PRKD1: variants seen among roughly 807,000 people sequenced by gnomAD.
The protein encoded by PRKD1 is serine/threonine-protein kinase D1.
A neutral mutation model predicts 95.9 loss-of-function variants in PRKD1; 63 were observed. That is an observed-to-expected ratio of 0.66 (90% CI 0.54 to 0.81). The LOEUF (loss-of-function observed/expected upper bound fraction) is 0.81, where lower values mean the gene tolerates loss of function less well. Among genes scored for constraint, PRKD1 ranks in the 30% least tolerant of loss-of-function variants. PRKD1 has a pLI of 0.00. For missense variants in PRKD1, 1,048 were observed against 1,165.3 expected (o/e 0.90, Z 1.47); for synonymous variants, 425 against 423.1 (o/e 1.00, Z -0.05).
chr14:29,773,599 G>C (rs541505196), intron 1 of PRKD1, among the ~76,000 whole-genome samples: 1 of 151,928 alleles, frequency 6.6e-6, no homozygotes, highest in Admixed American at 6.6e-5. Context: ...AGATCTGTTT[G>C]TTGATTCCTT....
At chr14:29,913,617 T>C (rs937331091) in intron 1 of PRKD1, among the ~76,000 whole-genome samples, 36 of 152,230 alleles carry the variant, frequency 2.4e-4, no homozygotes, top group African/African-American at 8.7e-4. Flanking sequence ...ACTGGGTTTA[T>C]GTAAATATTG....
chr14:29,876,194 A>T (rs1893281463), intron 1 of PRKD1, among the ~76,000 whole-genome samples: 1 of 152,244 alleles, frequency 6.6e-6, no homozygotes, highest in South Asian at 2.1e-4. Flanking sequence ...GAACAAAAAC[A>T]GTCAGTGTCC....
intron 1 of PRKD1, among the ~76,000 whole-genome samples, chr14:29,762,708 G>C (rs1461979201): frequency 6.6e-6 from 1 of 152,130 alleles, no homozygotes; most frequent in Non-Finnish European, 1.5e-5. Context: ...AACTCCCTAT[G>C]CCTGTGGTGG....
At chr14:29,833,993 A>G (rs1191957673) in intron 1 of PRKD1, among the ~76,000 whole-genome samples, 1 of 152,122 alleles carries the variant, frequency 6.6e-6, no homozygotes, top group Non-Finnish European at 1.5e-5. Flanking sequence ...CCTAAAGAAC[A>G]TGTCCTTCTC....
intron 4 of PRKD1, among the ~76,000 whole-genome samples, chr14:29,646,588 C>A (rs8009376): frequency 0.037 from 5,663 of 151,882 alleles, 320 homozygotes; most frequent in African/African-American, 0.12. Context: ...TTTCAGGACA[C>A]TTCAGTCCTA....
intron 1 of PRKD1, among the ~76,000 whole-genome samples, chr14:29,857,730 C>G (rs1958991): frequency 0.49 from 73,796 of 152,024 alleles, 21,611 homozygotes; most frequent in African/African-American, 0.83. Context: ...AAGCAGGCTG[C>G]GGGGAGGAGA....
intron 1 of PRKD1, among the ~76,000 whole-genome samples, chr14:29,791,714 A>T (rs1889555198): frequency 6.6e-6 from 1 of 152,120 alleles, no homozygotes; most frequent in South Asian, 2.1e-4. Flanking sequence ...TTGTGCATCC[A>T]TCTGTTGATG....
rs145598754 is a variant in PRKD1, at chr14:29,726,012, G to A, written c.265-338C>T. Reference sequence around the variant, plus strand: ...TGGGAAGAGGTGTGCACTTTCAGATGATTTACAGCAATCCAGTAACATAAA... The same window carrying A: ...TGGGAAGAGGTGTGCACTTTCAGATAATTTACAGCAATCCAGTAACATAAA... On this transcript the variant is annotated intron_variant, in intron 1 of 17. Transcript: ENST00000331968. Among the ~76,000 whole-genome samples, 466 of 152,210 alleles carry A rather than the reference G, an allele frequency of 3.1e-3. 3 individuals are homozygous for A. The highest frequency in any genetic ancestry group is 0.031 in the South Asian group (147 of 4,814).
chr14:29,636,635 C>T (rs1880401717), intron 6 of PRKD1, 141 bp from the exon 7 acceptor site: 1 of 850,298 alleles, frequency 1.2e-6, no homozygotes, highest in Non-Finnish European at 1.8e-6. Flanking sequence ...TATTTTTTAA[C>T]TTTTATTTTA....
chr14:29,629,900 T>A (rs1455480500), intron 10 of PRKD1, among the ~76,000 whole-genome samples: 1 of 151,988 alleles, frequency 6.6e-6, no homozygotes, highest in Non-Finnish European at 1.5e-5. Context: ...TAACAAGACT[T>A]GCATTCCATG....
At chr14:29,826,838 T>C (rs867442674) in intron 1 of PRKD1, among the ~76,000 whole-genome samples, 1,023 of 17,378 alleles carry the variant, frequency 0.059, 181 homozygotes, top group African/African-American at 0.093. Context: ...TATATATATA[T>C]ACACACATAT....
chr14:29,639,002 A>C, intron 4 of PRKD1, 98 bp from the exon 5 acceptor site: 2 of 875,306 alleles, frequency 2.3e-6, no homozygotes, highest in Non-Finnish European at 3.4e-6. Context: ...TGTATTTAGT[A>C]CTTTGATGTT....
At chr14:29,649,060 C>A (rs1215572464) in intron 4 of PRKD1, among the ~76,000 whole-genome samples, 3 of 152,174 alleles carry the variant, frequency 2.0e-5, no homozygotes, top group African/African-American at 7.2e-5. Context: ...CTTTTGGTAT[C>A]TCTGCAGCTG....
At chr14:29,897,032 A>G (rs1306272621) in intron 1 of PRKD1, among the ~76,000 whole-genome samples, 5 of 151,920 alleles carry the variant, frequency 3.3e-5, no homozygotes, top group Admixed American at 1.3e-4. Context: ...GAAAATATCT[A>G]TGATCCTACT....
chr14:29,872,588 G>A (rs572755823), intron 1 of PRKD1, among the ~76,000 whole-genome samples: 16 of 151,616 alleles, frequency 1.1e-4, no homozygotes, highest in African/African-American at 3.6e-4. Flanking sequence ...CCCGGGAGGC[G>A]GAGGCTGCAG....
At position 29,915,578 on chromosome 14, in the gene PRKD1, G is replaced by C. The variant is rs112618176; in HGVS notation, c.264+11671C>G. ...TGCTGAAGGGGTGGGAAGTGGGGGGGAATCTTGCCACCAATAAGAGAATCC... is the reference window on the plus strand; with the variant it reads ...TGCTGAAGGGGTGGGAAGTGGGGGGCAATCTTGCCACCAATAAGAGAATCC... On this transcript the variant is annotated intron_variant, in intron 1 of 17. Coordinates refer to ENST00000331968, the MANE Select transcript of PRKD1 (RefSeq NM_002742.3). Among the ~76,000 whole-genome samples, 6 of 152,220 alleles carry C rather than the reference G, an allele frequency of 3.9e-5. No homozygotes were observed. The East Asian group carries it at 1.2e-3, about 29-fold the overall frequency.
chr14:29,609,085 C>T (rs540901056), intron 13 of PRKD1, among the ~76,000 whole-genome samples: 28 of 152,158 alleles, frequency 1.8e-4, no homozygotes, highest in Non-Finnish European at 2.9e-4. Context: ...AAATATAACT[C>T]ACTGGACTCC....
At chr14:29,748,514 C>T (rs1887333943) in intron 1 of PRKD1, among the ~76,000 whole-genome samples, 1 of 152,146 alleles carries the variant, frequency 6.6e-6, no homozygotes, top group Admixed American at 6.6e-5. Flanking sequence ...TATCAACTGA[C>T]CAAAACTTTT....
intron 1 of PRKD1, among the ~76,000 whole-genome samples, chr14:29,801,879 G>A (rs904381478): frequency 6.6e-6 from 1 of 152,106 alleles, no homozygotes; most frequent in Admixed American, 6.5e-5. Context: ...GTAGAGACGG[G>A]GTTTCTCCAT....
Sources: gnomAD v4.1 joint callset for allele counts (sites outside exome capture counted in the v4.1 genomes callset) on GRCh38, gnomAD v4.1.1 for gene constraint, MANE v1.5 for transcripts, NCBI Gene and HGNC (gene_info 2026-07-23, HGNC 2026-07-21) for gene names.